Variants in CNOT10 observed in about 807,000 individuals in gnomAD.
The protein encoded by CNOT10 is CCR4-NOT transcription complex, subunit 10.
In CNOT10, 30 loss-of-function variants were observed where a neutral mutation model predicts 94.6. That is an observed-to-expected ratio of 0.32 (90% confidence interval 0.24 to 0.43). CNOT10 has a LOEUF of 0.43. CNOT10 is among the 20% of genes least tolerant of loss of function. CNOT10 has a pLI of 1.00. For missense variants in CNOT10, 759 were observed against 877.2 expected, an observed-to-expected ratio of 0.87 and a Z score of 1.70; for synonymous variants, 289 against 301.6, an observed-to-expected ratio of 0.96 and a Z score of 0.43.
chr3:32,759,662 C>A, intron 14 of CNOT10, 91 bp downstream of exon 14: 1 of 837,494 alleles, frequency 1.2e-6, no homozygotes, highest in Non-Finnish European at 2.0e-6. Flanking sequence ...TTGACTCCTC[C>A]AGTGGAATAT....
intron 1 of CNOT10, among the ~76,000 whole-genome samples, chr3:32,687,314 A>G (rs375508303): frequency 6.6e-6 from 1 of 151,710 alleles, no homozygotes; most frequent in Admixed American, 6.6e-5. Flanking sequence ...GTCCTAAGAC[A>G]TTCATTGAAT....
intron 7 of CNOT10, among the ~76,000 whole-genome samples, chr3:32,719,521 T>C (rs758256208): frequency 3.1e-4 from 47 of 152,182 alleles, no homozygotes; most frequent in Non-Finnish European, 5.4e-4. Context: ...GGTAGTACTA[T>C]CTAGGGTCCT....
rs1696550151 is a variant in CNOT10 at position 32,685,363 on chromosome 3, C to G, written c.-98C>G. ...CCTGGGGGCCCGGAGCCGGGGTAGG[C>G]ACAGAGTTGTCCTCGGAGGTCCAGG... is the stretch of plus-strand genomic sequence containing the variant. On this transcript the variant is annotated 5_prime_UTR_variant, in exon 1 of 19. Coordinates refer to ENST00000328834, the MANE Select transcript of CNOT10 (RefSeq NM_015442.3). The G allele has an allele frequency of 2.8e-6, 4 of 1,427,252 alleles. 1 individual carries two copies. In the East Asian group the frequency reaches 9.9e-5, roughly 35 times the overall value. The allele number at this position is 1,427,252 out of a possible 1,614,324, so 88.4% of individuals were successfully genotyped here.
Position 32,690,997 on chromosome 3 carries a change from C to CTTT in CNOT10, c.22+5529_22+5531dup, listed in dbSNP as rs35755920. Reference sequence around the variant, plus strand: ...TTGCTTCCTCTATCACTAGCTATGACTTTTTTTTTTTTTTTTGAGATGGAG... The same window carrying CTTT: ...TTGCTTCCTCTATCACTAGCTATGACTTTTTTTTTTTTTTTTTTTGAGATGGAG... On this transcript the variant is annotated intron_variant, in intron 1 of 18. Transcript: ENST00000328834. 7.4e-4 allele frequency among the ~76,000 whole-genome samples: 95 copies of CTTT among 128,858 alleles called. 3 individuals carry two copies. The highest frequency in any genetic ancestry group is 1.1e-3 in the East Asian group (5 of 4,366). The allele number at this position is 128,858 out of a possible 152,430, so 84.5% of individuals were successfully genotyped here.
intron 1 of CNOT10, among the ~76,000 whole-genome samples, chr3:32,685,913 CTGTGAAATTAACTT>C (rs1258049798): frequency 6.6e-6 from 1 of 152,100 alleles, no homozygotes; most frequent in Non-Finnish European, 1.5e-5. Context: ...TCATTGACTC[CTGTGAAATTAACTT>C]TGTAAAAACC....
Position 32,765,813 on chromosome 3 carries a change from T to A in CNOT10, c.2004+1004T>A, listed in dbSNP as rs1451466065. On this transcript the variant is annotated intron_variant, in intron 17 of 18. Coordinates refer to ENST00000328834, the MANE Select transcript of CNOT10 (RefSeq NM_015442.3). ...CTCTAGGTACTAAAATGGAAAGATG[T>A]CCAAGACATACTAAATGAAAACAGC... Among the ~76,000 whole-genome samples the A allele has an allele frequency of 3.8e-5, 2 of 52,568 alleles. 1 individual carries two copies. The highest frequency in any genetic ancestry group is 1.2e-4 in the African/African-American group (2 of 16,806). 34.5% of individuals were successfully genotyped at this position (52,568 alleles called of 152,430 possible). A position where few individuals can be genotyped will look rare whatever the true frequency, so the allele number is the denominator to read the frequency against.
At chr3:32,721,388 G>C (rs1698397609) in intron 8 of CNOT10, among the ~76,000 whole-genome samples, 1 of 138,138 alleles carries the variant, frequency 7.2e-6, no homozygotes, top group Non-Finnish European at 1.6e-5. Context: ...TAAGATCCTT[G>C]GACTTTTGCT....
intron 10 of CNOT10, among the ~76,000 whole-genome samples, chr3:32,728,772 T>C (rs1350357733): frequency 3.3e-5 from 5 of 152,104 alleles, no homozygotes; most frequent in African/African-American, 4.8e-5. Flanking sequence ...ATGCATCTGC[T>C]GGCGTAAGAA....
intron 10 of CNOT10, among the ~76,000 whole-genome samples, chr3:32,729,978 C>T (rs1159357015): frequency 2.0e-5 from 3 of 151,256 alleles, no homozygotes; most frequent in Non-Finnish European, 2.9e-5. Flanking sequence ...CCGTTTTAGC[C>T]GGGATGGTCT....
At chr3:32,761,712 T>G (rs1332613679) in intron 14 of CNOT10, among the ~76,000 whole-genome samples, 1 of 150,544 alleles carries the variant, frequency 6.6e-6, no homozygotes, top group Non-Finnish European at 1.5e-5. Flanking sequence ...CACGCCACTA[T>G]GCCCTACTAA....
At chr3:32,772,439 G>T (rs1170479257) in intron 18 of CNOT10, among the ~76,000 whole-genome samples, 1 of 152,210 alleles carries the variant, frequency 6.6e-6, no homozygotes, top group African/African-American at 2.4e-5. Context: ...TTAAGGCCAA[G>T]AGTTCAAGGC....
intron 13 of CNOT10, among the ~76,000 whole-genome samples, chr3:32,751,223 C>A (rs900176655): frequency 3.9e-5 from 6 of 152,132 alleles, no homozygotes; most frequent in African/African-American, 1.4e-4. Flanking sequence ...ACCTCTGCGT[C>A]CCAAGTAGCT....
chr3:32,760,267 AT>A, intron 14 of CNOT10, among the ~76,000 whole-genome samples: 1 of 152,296 alleles, frequency 6.6e-6, no homozygotes, highest in South Asian at 2.1e-4. Context: ...CAAACTGCAA[AT>A]ACTTCTTCAT....
intron 12 of CNOT10, among the ~76,000 whole-genome samples, chr3:32,736,069 TTTTTG>T (rs1196284606): frequency 1.3e-5 from 2 of 152,056 alleles, no homozygotes; most frequent in Admixed American, 6.6e-5. Context: ...TTTTGTTTTC[TTTTTG>T]TTTTGTTTTT....
At position 32,767,468 on chromosome 3, in the gene CNOT10, G is replaced by A. The variant is rs187790558; in HGVS notation, c.2005-2419G>A. Among the ~76,000 whole-genome samples, 536 of 144,878 alleles carry A rather than the reference G, an allele frequency of 3.7e-3. 6 individuals carry two copies. Among genetic ancestry groups the A allele is most frequent in the Non-Finnish European group, 4.5e-3 (299 of 67,122 alleles). ...CAGGAGGTGGAGGTTGTGGTGAGCC[G>A]AGATCGCGCCATTGCACTACAGCCT... On this transcript the variant is annotated intron_variant, in intron 17 of 18. Transcript: ENST00000328834.
At chr3:32,699,689 C>A (rs1278547791) in intron 1 of CNOT10, among the ~76,000 whole-genome samples, 3 of 152,122 alleles carry the variant, frequency 2.0e-5, no homozygotes, top group Non-Finnish European at 4.4e-5. Context: ...ATGACAGATG[C>A]AACTCTAGGG....
intron 5 of CNOT10, chr3:32,715,954 TG>T (rs113488314): frequency 0.057 from 14,729 of 260,672 alleles, 490 homozygotes; most frequent in African/African-American, 0.09. Flanking sequence ...TACAGGTACA[TG>T]GCCACCATGC....
chr3:32,700,453 T>C, intron 1 of CNOT10, among the ~76,000 whole-genome samples: 1 of 152,230 alleles, frequency 6.6e-6, no homozygotes, highest in East Asian at 1.9e-4. Flanking sequence ...CTTATTTCAA[T>C]TCTAAAAATT....
intron 17 of CNOT10, among the ~76,000 whole-genome samples, chr3:32,766,387 C>T (rs1700642411): frequency 2.2e-5 from 1 of 46,374 alleles, no homozygotes; most frequent in Non-Finnish European, 4.7e-5. Flanking sequence ...AATCCCAGCA[C>T]TTTGGGAGGC....
Sources: allele counts gnomAD v4.1 joint callset (sites outside exome capture counted in the v4.1 genomes callset), GRCh38; gene constraint gnomAD v4.1.1; transcripts MANE v1.5; gene names NCBI Gene and HGNC (gene_info 2026-07-23, HGNC 2026-07-21).